PRR11: variants seen among roughly 807,000 people sequenced by gnomAD.
The protein encoded by PRR11 is proline-rich protein 11.
PRR11 carries 30 observed loss-of-function variants against 45.6 expected under a neutral mutation model. The observed-to-expected ratio is 0.66, with a 90% CI of 0.49 to 0.89. PRR11 has a LOEUF of 0.89. PRR11 is among the 40% of genes least tolerant of loss of function. The pLI is 0.00. For synonymous variants in PRR11, 128 were observed against 153.5 expected (o/e 0.83, Z 1.23); for missense variants, 373 against 424.8 (o/e 0.88, Z 1.07).
At chr17:59,196,669 G>A (rs940383885) in intron 7 of PRR11, among the ~76,000 whole-genome samples, 5 of 151,000 alleles carry the variant, frequency 3.3e-5, no homozygotes, top group East Asian at 4.0e-4. Context: ...GAGCCACTGC[G>A]CCTGACTTAG....
At chr17:59,156,860 C>A (rs972162692) in intron 1 of PRR11, among the ~76,000 whole-genome samples, 31 of 152,124 alleles carry the variant, frequency 2.0e-4, no homozygotes, top group Admixed American at 6.5e-4. Context: ...ATTTCCTGAC[C>A]TCGTGATCCA....
chr17:59,160,568 C>T (rs190538756), intron 1 of PRR11, among the ~76,000 whole-genome samples: 4 of 152,194 alleles, frequency 2.6e-5, no homozygotes, highest in South Asian at 2.1e-4. Context: ...CCACCATGCA[C>T]GGCCTATAAT....
At position 59,202,949 on chromosome 17, in the gene PRR11, A is replaced by G. The variant is rs1009325874; in HGVS notation, c.*1318A>G. 4 of 152,306 alleles carry G rather than the reference A, an allele frequency of 2.6e-5. No individual in the cohort carries two copies. Among genetic ancestry groups the G allele is most frequent in the African/African-American group, 9.6e-5 (4 of 41,578 alleles). 9.4% of individuals were successfully genotyped at this position (152,306 alleles called of 1,614,324 possible). A position where few individuals can be genotyped will look rare whatever the true frequency, so the allele number is the denominator to read the frequency against. The stretch of plus-strand genomic sequence containing the variant: ...CTTGTGAAGCTGAGGTGGGAGGATC[A>G]CTTGAGCCCAAGAGTTTGAAGCTAT... On this transcript the variant is annotated 3_prime_UTR_variant, in exon 10 of 10. Coordinates refer to ENST00000262293, the MANE Select transcript of PRR11 (RefSeq NM_018304.4).
chr17:59,180,519 G>GTTTTTTTTTTT (rs71300619), intron 2 of PRR11, among the ~76,000 whole-genome samples: 24 of 122,940 alleles, frequency 2.0e-4, no homozygotes, highest in African/African-American at 6.8e-4. Context: ...TGTTTTTTTT[G>GTTTTTTTTTTT]TTTTTTTTGC....
At position 59,205,454 on chromosome 17, in the gene PRR11, C is replaced by T. The variant is rs538716071; in HGVS notation, c.*3823C>T. On this transcript the variant is annotated 3_prime_UTR_variant, in exon 10 of 10. Coordinates refer to ENST00000262293, the MANE Select transcript of PRR11 (RefSeq NM_018304.4). ...CGGTGGCTCATGCCTATAATCCCAGCACTTTGGGAGGCCGAGGCAGGCAGA... is the reference window on the plus strand; with the variant it reads ...CGGTGGCTCATGCCTATAATCCCAGTACTTTGGGAGGCCGAGGCAGGCAGA... Among the ~76,000 whole-genome samples, 13 of 151,412 alleles carry T rather than the reference C, an allele frequency of 8.6e-5. No homozygotes were observed. The highest frequency in any genetic ancestry group is 2.2e-4 in the African/African-American group (9 of 41,324).
At chr17:59,158,703 A>T (rs2046637647) in intron 1 of PRR11, among the ~76,000 whole-genome samples, 1 of 152,222 alleles carries the variant, frequency 6.6e-6, no homozygotes, top group Admixed American at 6.5e-5. Context: ...TAAAAACAGT[A>T]AAGGAAAATA....
chr17:59,169,395 G>A (rs922596863), intron 1 of PRR11, among the ~76,000 whole-genome samples: 3 of 151,994 alleles, frequency 2.0e-5, no homozygotes, highest in Admixed American at 6.6e-5. Context: ...ACCACACCTG[G>A]CCAACATATT....
intron 1 of PRR11, among the ~76,000 whole-genome samples, chr17:59,161,870 G>A (rs1253997718): frequency 2.0e-5 from 3 of 152,166 alleles, no homozygotes; most frequent in Non-Finnish European, 4.4e-5. Flanking sequence ...CTTTTGGAAA[G>A]GGGATAAGTA....
Position 59,197,556 on chromosome 17 carries a change from AAGTC to A in PRR11, c.873_876del (p.Ser291ArgfsTer13). 1 of 1,613,926 alleles carries A rather than the reference AAGTC, an allele frequency of 6.2e-7. No homozygotes were observed. The highest frequency in any genetic ancestry group is 8.5e-7 in the Non-Finnish European group (1 of 1,179,838). ...TTTGTTTTATCAGCACTCCTGGAAA[AAGTC>A]AGATGGATCTGCGGAAACTGCTTAG... On this transcript the variant is annotated frameshift_variant, in exon 8 of 10. Coordinates refer to ENST00000262293, the MANE Select transcript of PRR11 (RefSeq NM_018304.4). LOFTEE classifies it high-confidence loss of function.
chr17:59,199,049 A>T (rs556361944), intron 9 of PRR11, among the ~76,000 whole-genome samples: 76 of 152,190 alleles, frequency 5.0e-4, no homozygotes, highest in Non-Finnish European at 7.4e-4. Context: ...GAAAATAGGC[A>T]TTCATCAAAT....
intron 2 of PRR11, among the ~76,000 whole-genome samples, chr17:59,171,026 G>A (rs1159793366): frequency 2.6e-5 from 4 of 152,190 alleles, no homozygotes; most frequent in Non-Finnish European, 4.4e-5. Flanking sequence ...TTGGGAGGCC[G>A]AGGCGGGCGG....
At chr17:59,187,256 G>C (rs992120331) in intron 4 of PRR11, among the ~76,000 whole-genome samples, 1 of 152,052 alleles carries the variant, frequency 6.6e-6, no homozygotes, top group African/African-American at 2.4e-5. Flanking sequence ...ATAAATACAT[G>C]AGTAGGTGCT....
chr17:59,166,723 AT>A (rs1484399699), intron 1 of PRR11, among the ~76,000 whole-genome samples: 2 of 152,200 alleles, frequency 1.3e-5, no homozygotes. Context: ...AGCAGCTTTT[AT>A]TCTCTTGATA....
In PRR11 at chr17:59,202,820, G is replaced by A. The variant is rs1314303576; in HGVS notation, c.*1189G>A. The A allele has an allele frequency of 2.0e-5, 3 of 152,094 alleles. No individual in the cohort carries two copies. The highest frequency in any genetic ancestry group is 7.2e-5 in the African/African-American group (3 of 41,420). 9.4% of individuals were successfully genotyped at this position (152,094 alleles called of 1,614,324 possible). On this transcript the variant is annotated 3_prime_UTR_variant, in exon 10 of 10. Coordinates refer to ENST00000262293, the MANE Select transcript of PRR11 (RefSeq NM_018304.4). The stretch of plus-strand genomic sequence containing the variant: ...GTTGTCACTGACCTATGTAATCAAA[G>A]ACAGTAATACAGCCTGGGAAACATA...
At chr17:59,159,643 C>T (rs1349495570) in intron 1 of PRR11, among the ~76,000 whole-genome samples, 3 of 152,190 alleles carry the variant, frequency 2.0e-5, no homozygotes, top group Non-Finnish European at 4.4e-5. Context: ...CACCCTCCAG[C>T]TTCATCACTC....
At chr17:59,183,787 T>G (rs1244164712) in intron 2 of PRR11, among the ~76,000 whole-genome samples, 5 of 152,112 alleles carry the variant, frequency 3.3e-5, no homozygotes, top group Middle Eastern at 3.2e-3. Context: ...AAATATCGCA[T>G]GTACAAAAAG....
At chr17:59,195,906 C>T (rs2046863671) in intron 7 of PRR11, among the ~76,000 whole-genome samples, 1 of 151,352 alleles carries the variant, frequency 6.6e-6, no homozygotes, top group South Asian at 2.1e-4. Flanking sequence ...TAGTGAGAGC[C>T]CCATCTCTAA....
rs1005107804 is a variant in PRR11, at chr17:59,202,585, A to T, written c.*954A>T. 5 of 152,182 alleles carry T rather than the reference A, an allele frequency of 3.3e-5. No individual in the cohort carries two copies. Among genetic ancestry groups the T allele is most frequent in the African/African-American group, 1.2e-4 (5 of 41,442 alleles). 9.4% of individuals were successfully genotyped at this position (152,182 alleles called of 1,614,324 possible). ...CTCTAAAAATTAAAAAAAAAATTTA[A>T]ATTAGAATATCATTTCTAGCATCTT... On this transcript the variant is annotated 3_prime_UTR_variant, in exon 10 of 10. Coordinates refer to ENST00000262293, the MANE Select transcript of PRR11 (RefSeq NM_018304.4).
intron 9 of PRR11, among the ~76,000 whole-genome samples, chr17:59,199,494 C>T (rs1168539387): frequency 6.6e-6 from 1 of 152,204 alleles, no homozygotes; most frequent in Non-Finnish European, 1.5e-5. Flanking sequence ...TATACAACCA[C>T]ATACCCAACC....
Sources: allele counts gnomAD v4.1 joint callset (sites outside exome capture counted in the v4.1 genomes callset), GRCh38; gene constraint gnomAD v4.1.1; transcripts MANE v1.5; gene names NCBI Gene and HGNC (gene_info 2026-07-23, HGNC 2026-07-21).